The following NAALADL2 variants were observed in gnomAD, a reference collection of about 807,000 sequenced individuals.
NAALADL2 encodes the protein inactive N-acetylated-alpha-linked acidic dipeptidase-like protein 2.
In NAALADL2, 76 loss-of-function variants were observed where a neutral mutation model predicts 87.2. The ratio of observed to expected loss-of-function variants is 0.87; its 90% confidence interval spans 0.72 to 1.05. The LOEUF (loss-of-function observed/expected upper bound fraction) is 1.05. Ranked by LOEUF, NAALADL2 falls within the 50% of genes least tolerant of loss-of-function variation. The pLI is 0.00. For synonymous variants in NAALADL2, 354 were observed against 331.0 expected, an observed-to-expected ratio of 1.07 and a Z score of -0.75; for missense variants, 1,089 against 945.8, an observed-to-expected ratio of 1.15 and a Z score of -1.99.
intron 11 of NAALADL2, among the ~76,000 whole-genome samples, chr3:175,735,825 A>G (rs377301686): frequency 2.6e-5 from 4 of 152,278 alleles, no homozygotes; most frequent in East Asian, 3.9e-4. Flanking sequence ...TGGAATTTGC[A>G]CCTTGTTGAA....
intron 5 of NAALADL2, among the ~76,000 whole-genome samples, chr3:175,328,459 G>A (rs555270560): frequency 3.2e-4 from 48 of 151,452 alleles, no homozygotes; most frequent in East Asian, 5.8e-4. Flanking sequence ...TGTAAATTGC[G>A]GGGGAGGCAG....
intron 5 of NAALADL2, among the ~76,000 whole-genome samples, chr3:175,351,019 T>C (rs1301862516): frequency 3.9e-5 from 6 of 152,198 alleles, no homozygotes; most frequent in Non-Finnish European, 5.9e-5. Context: ...AAAAGTAGCT[T>C]TGAAACATTA....
intron 1 of NAALADL2, among the ~76,000 whole-genome samples, chr3:174,520,218 A>G (rs75331117): frequency 0.029 from 4,429 of 152,270 alleles, 202 homozygotes; most frequent in African/African-American, 0.1. Flanking sequence ...AAACAATCCT[A>G]AAGTTCGTAT....
chr3:175,710,799 A>G (rs995940726), intron 11 of NAALADL2, among the ~76,000 whole-genome samples: 1 of 151,760 alleles, frequency 6.6e-6, no homozygotes, highest in South Asian at 2.1e-4. Context: ...TTGTACCCTC[A>G]CCATTCTTTT....
intron 1 of NAALADL2, among the ~76,000 whole-genome samples, chr3:174,866,840 T>C (rs747796326): frequency 1.3e-5 from 2 of 151,830 alleles, no homozygotes; most frequent in Non-Finnish European, 3.0e-5. Flanking sequence ...TATTAATGTG[T>C]TTATTCTTGA....
intron 1 of NAALADL2, among the ~76,000 whole-genome samples, chr3:174,990,034 GA>G (rs1161617705): frequency 2.0e-5 from 3 of 151,456 alleles, no homozygotes; most frequent in Non-Finnish European, 2.9e-5. Context: ...ATTTCCTATT[GA>G]AAAAAAATAT....
chr3:174,824,454 T>C (rs1388095400), intron 3 of NAALADL2, among the ~76,000 whole-genome samples: 1 of 152,220 alleles, frequency 6.6e-6, no homozygotes, highest in Non-Finnish European at 1.5e-5. Flanking sequence ...AAGCAAGTTC[T>C]AAACTATGCA....
At chr3:174,468,671 G>A (rs1196467957) in intron 1 of NAALADL2, among the ~76,000 whole-genome samples, 2 of 151,220 alleles carry the variant, frequency 1.3e-5, no homozygotes, top group Non-Finnish European at 2.9e-5. Context: ...GTGAGCCACT[G>A]TGCCTGGTCA....
intron 1 of NAALADL2, among the ~76,000 whole-genome samples, chr3:175,042,969 G>A (rs796518354): frequency 6.6e-6 from 1 of 152,008 alleles, no homozygotes; most frequent in Admixed American, 6.6e-5. Context: ...CCCACCTCTT[G>A]CTTGCTCTCT....
chr3:175,242,153 C>T (rs1228264703), intron 3 of NAALADL2, among the ~76,000 whole-genome samples: 2 of 152,020 alleles, frequency 1.3e-5, no homozygotes, highest in Non-Finnish European at 2.9e-5. Flanking sequence ...AGCCACCGCG[C>T]CCGGCCCTGG....
intron 9 of NAALADL2, among the ~76,000 whole-genome samples, chr3:175,565,515 C>T (rs1321613835): frequency 6.6e-6 from 1 of 152,096 alleles, no homozygotes; most frequent in African/African-American, 2.4e-5. Context: ...TTATTCTCTC[C>T]TGGTGTCCTG....
intron 3 of NAALADL2, among the ~76,000 whole-genome samples, chr3:174,807,888 TGA>T (rs1553861440): frequency 4.5e-5 from 5 of 111,514 alleles, no homozygotes; most frequent in Non-Finnish European, 1.0e-4. Context: ...TGTGTGTGTG[TGA>T]GAGAGAGAGA....
chr3:175,777,800 A>T (rs1750448541), intron 13 of NAALADL2, among the ~76,000 whole-genome samples: 1 of 152,104 alleles, frequency 6.6e-6, no homozygotes, highest in African/African-American at 2.4e-5. Flanking sequence ...TATCTCTGAG[A>T]GTCAGTAGCT....
At chr3:175,246,487 C>A (rs1338396602) in intron 3 of NAALADL2, among the ~76,000 whole-genome samples, 1 of 152,144 alleles carries the variant, frequency 6.6e-6, no homozygotes, top group Non-Finnish European at 1.5e-5. Context: ...GTCTAAAAGA[C>A]TTCAATGCAT....
In NAALADL2 at chr3:175,467,865, G is replaced by A. The variant is rs561303001; in HGVS notation, c.1533+681G>A. On this transcript the variant is annotated intron_variant, in intron 8 of 13. Coordinates refer to ENST00000454872, the MANE Select transcript of NAALADL2 (RefSeq NM_207015.3). ...TCTGACAGACCTGGGTCTCATAAAT[G>A]CACTGTATTTTTAATGGAATATGAT... Among the ~76,000 whole-genome samples, 12 of 152,118 alleles carry A rather than the reference G, an allele frequency of 7.9e-5. No homozygotes were observed. In the East Asian group the frequency reaches 2.1e-3, roughly 27 times the overall value.
At chr3:175,071,840 T>C (rs1421266813) in intron 1 of NAALADL2, among the ~76,000 whole-genome samples, 2 of 152,026 alleles carry the variant, frequency 1.3e-5, no homozygotes, top group Non-Finnish European at 2.9e-5. Context: ...ATGAAATAAC[T>C]AGTTATTTAA....
chr3:174,589,275 C>T (rs892295724), intron 2 of NAALADL2, among the ~76,000 whole-genome samples: 1 of 152,130 alleles, frequency 6.6e-6, no homozygotes, highest in Non-Finnish European at 1.5e-5. Flanking sequence ...TACCATCTGT[C>T]ACGGCTTCCC....
At chr3:174,954,589 T>G (rs1740892206) in intron 1 of NAALADL2, among the ~76,000 whole-genome samples, 1 of 152,092 alleles carries the variant, frequency 6.6e-6, no homozygotes. Flanking sequence ...GTGAGACATA[T>G]TTGCTGGTAT....
At chr3:175,191,542 T>C (rs915966864) in intron 2 of NAALADL2, among the ~76,000 whole-genome samples, 1 of 152,190 alleles carries the variant, frequency 6.6e-6, no homozygotes, top group Non-Finnish European at 1.5e-5. Flanking sequence ...GTATCCACAA[T>C]ACTAACCCCA....
Sources: allele counts gnomAD v4.1 joint callset (sites outside exome capture counted in the v4.1 genomes callset), GRCh38; gene constraint gnomAD v4.1.1; transcripts MANE v1.5; gene names NCBI Gene and HGNC (gene_info 2026-07-23, HGNC 2026-07-21).